The following NAV2 variants were observed in gnomAD, a reference collection of about 807,000 sequenced individuals.
The protein encoded by NAV2 is helicase, APC down-regulated 1.
Under a neutral mutation model 223.2 loss-of-function variants are expected in NAV2, and 54 were observed. That is an observed-to-expected ratio of 0.24 (90% CI 0.19 to 0.30). NAV2 has a LOEUF of 0.30. NAV2 is among the 10% of genes least tolerant of loss of function. NAV2 has a pLI of 1.00. For missense variants in NAV2, 2,806 were observed against 3,147.5 expected, an observed-to-expected ratio of 0.89 and a Z score of 2.60; for synonymous variants, 1,279 against 1,239.3, an observed-to-expected ratio of 1.03 and a Z score of -0.67.
At chr11:19,718,372 A>C (rs2050476674) in intron 1 of NAV2, among the ~76,000 whole-genome samples, 2 of 152,216 alleles carry the variant, frequency 1.3e-5, no homozygotes, top group Non-Finnish European at 2.9e-5. Context: ...AAATATTTTG[A>C]TATTTCCTGT....
intron 7 of NAV2, among the ~76,000 whole-genome samples, chr11:19,939,420 T>C (rs1255041882): frequency 6.6e-6 from 1 of 152,210 alleles, no homozygotes; most frequent in East Asian, 1.9e-4. Context: ...CAGTGAGGGA[T>C]TGCAGACCCT....
At chr11:19,643,782 C>A (rs537397780) in intron 1 of NAV2, among the ~76,000 whole-genome samples, 69 of 152,314 alleles carry the variant, frequency 4.5e-4, no homozygotes, top group Non-Finnish European at 8.4e-4. Flanking sequence ...GTCCCACCAA[C>A]AGTGTAAAAG....
chr11:19,409,925 C>T lies in NAV2; in HGVS notation c.75+58898C>T, dbSNP rs368107132. Among the ~76,000 whole-genome samples, 11 of 152,124 alleles carry T rather than the reference C, an allele frequency of 7.2e-5. No individual in the cohort carries two copies. The East Asian group carries it at 7.7e-4, about 11-fold the overall frequency. On this transcript the variant is annotated intron_variant, in intron 1 of 37. Coordinates refer to the NAV2 transcript ENST00000360655. ...ACTGAGCACTCTGGGCTGAGACAGG[C>T]GGCTCAGGATTCAGTGGGAAGAAGT...
At chr11:19,820,044 G>T (rs1052774958) in intron 1 of NAV2, among the ~76,000 whole-genome samples, 2 of 152,254 alleles carry the variant, frequency 1.3e-5, no homozygotes, top group Non-Finnish European at 2.9e-5. Flanking sequence ...GAGGACAGCT[G>T]ACAGTCCCTC....
At chr11:19,540,578 G>A (rs757385487) in intron 1 of NAV2, among the ~76,000 whole-genome samples, 27 of 152,164 alleles carry the variant, frequency 1.8e-4, no homozygotes, top group Non-Finnish European at 3.4e-4. Context: ...CCCATCCCCT[G>A]CAGGGGCTAT....
At position 19,480,731 on chromosome 11, in the gene NAV2, T is replaced by C. The variant is rs193240090; in HGVS notation, c.75+129704T>C. On this transcript the variant is annotated intron_variant, in intron 1 of 37. Transcript: ENST00000360655. ...TGGGGCTTTATCTCCTCATGCAGAATTGATTTGCCATAATTCTCTCCTTTG... is the reference window on the plus strand; with the variant it reads ...TGGGGCTTTATCTCCTCATGCAGAACTGATTTGCCATAATTCTCTCCTTTG... Among the ~76,000 whole-genome samples, 4 of 152,202 alleles carry C rather than the reference T, an allele frequency of 2.6e-5. No homozygotes were observed. In the East Asian group the frequency reaches 7.7e-4, roughly 29 times the overall value.
chr11:19,905,616 T>G (rs1173582780), intron 6 of NAV2, among the ~76,000 whole-genome samples: 4 of 152,210 alleles, frequency 2.6e-5, no homozygotes, highest in African/African-American at 9.6e-5. Context: ...CCTTCAGTAA[T>G]GAACCTTCTT....
intron 10 of NAV2, among the ~76,000 whole-genome samples, chr11:19,960,687 C>T (rs920193522): frequency 2.0e-5 from 3 of 151,920 alleles, no homozygotes; most frequent in Admixed American, 1.3e-4. Flanking sequence ...AATCTCAGCT[C>T]ACTGCAACCT....
intron 1 of NAV2, among the ~76,000 whole-genome samples, chr11:19,608,066 AC>A (rs1422028003): frequency 6.6e-6 from 1 of 152,024 alleles, no homozygotes; most frequent in African/African-American, 2.4e-5. Flanking sequence ...AACAATAACA[AC>A]CCTGGTTACC....
intron 19 of NAV2, among the ~76,000 whole-genome samples, chr11:20,061,437 C>T (rs923605441): frequency 6.6e-5 from 10 of 151,898 alleles, no homozygotes; most frequent in Non-Finnish European, 1.3e-4. Flanking sequence ...GGCATGGTGG[C>T]GCACGCCTAT....
intron 1 of NAV2, among the ~76,000 whole-genome samples, chr11:19,385,847 C>T (rs982087454): frequency 7.4e-5 from 11 of 149,408 alleles, no homozygotes; most frequent in African/African-American, 2.0e-4. Context: ...CTGCAAGCTC[C>T]GCCTCCTGGG....
At chr11:19,575,927 G>A (rs568669617) in intron 1 of NAV2, among the ~76,000 whole-genome samples, 1 of 152,212 alleles carries the variant, frequency 6.6e-6, no homozygotes, top group African/African-American at 2.4e-5. Flanking sequence ...GTAACACAGA[G>A]GGCTGAGCAG....
intron 3 of NAV2, among the ~76,000 whole-genome samples, chr11:19,851,689 A>T (rs149767474): frequency 6.6e-6 from 1 of 152,264 alleles, no homozygotes; most frequent in African/African-American, 2.4e-5. Flanking sequence ...ACATCAAAAG[A>T]TTTTTTCCTA....
At chr11:19,990,614 C>T (rs1163068395) in intron 11 of NAV2, among the ~76,000 whole-genome samples, 1 of 152,076 alleles carries the variant, frequency 6.6e-6, no homozygotes, top group Non-Finnish European at 1.5e-5. Flanking sequence ...GTGATCTCTC[C>T]TCTTTGACCA....
chr11:19,817,117 C>T (rs1425235), intron 1 of NAV2, among the ~76,000 whole-genome samples: 126,124 of 152,198 alleles, frequency 0.83, 52,872 homozygotes, highest in East Asian at 1. Flanking sequence ...ATAATCACCA[C>T]GAGTGCACAC....
At position 19,371,809 on chromosome 11, in the gene NAV2, T is replaced by C. The variant is rs538066902; in HGVS notation, c.75+20782T>C. Among the ~76,000 whole-genome samples the C allele has an allele frequency of 4.1e-5, 6 of 146,998 alleles. No individual in the cohort carries two copies. In the South Asian group the frequency reaches 1.3e-3, roughly 32 times the overall value. ...TTTTTTGAGATGGAGTCTCACTCTG[T>C]TGCTCAGGCTGGAGCTGGAGTACAG... is the stretch of plus-strand genomic sequence containing the variant. On this transcript the variant is annotated intron_variant, in intron 1 of 37. Transcript: ENST00000360655.
chr11:19,569,293 G>T (rs2045357899), intron 1 of NAV2, among the ~76,000 whole-genome samples: 1 of 152,016 alleles, frequency 6.6e-6, no homozygotes, highest in South Asian at 2.1e-4. Flanking sequence ...TACTCATTTT[G>T]CAGGGCTCAG....
intron 24 of NAV2, among the ~76,000 whole-genome samples, 162 bp from the exon 25 acceptor site, chr11:20,079,902 A>G (rs949025720): frequency 2.0e-5 from 3 of 152,230 alleles, no homozygotes; most frequent in Non-Finnish European, 4.4e-5. Context: ...GCACTCACCT[A>G]TTCAAGGATC....
rs567312793 is a variant in NAV2 at position 19,515,966 on chromosome 11, T to TGCAGCAGGTTTGGGAGAGA, written c.75+164940_75+164958dup. 5.8e-3 allele frequency among the ~76,000 whole-genome samples: 885 copies of TGCAGCAGGTTTGGGAGAGA among 152,344 alleles called. 4 individuals carry two copies. The highest frequency in any genetic ancestry group is 0.02 in the African/African-American group (849 of 41,566). On this transcript the variant is annotated intron_variant, in intron 1 of 37. Coordinates refer to the NAV2 transcript ENST00000360655. ...TGACTGAGATGGGAAAGGCTGCATG[T>TGCAGCAGGTTTGGGAGAGA]GCAGCAGGTTTGGGAGAGAATAGCA... is the stretch of plus-strand genomic sequence containing the variant.
Sources: gnomAD v4.1 joint callset for allele counts (sites outside exome capture counted in the v4.1 genomes callset) on GRCh38, gnomAD v4.1.1 for gene constraint, MANE v1.5 for transcripts, NCBI Gene and HGNC (gene_info 2026-07-23, HGNC 2026-07-21) for gene names.